Variants in NEBL observed in about 807,000 individuals in gnomAD.
NEBL encodes nebulette.
NEBL carries 122 observed loss-of-function variants against 140.2 expected under a neutral mutation model. The observed-to-expected ratio is 0.87, with a 90% CI of 0.75 to 1.01. The LOEUF is 1.01. NEBL is among the 50% of genes least tolerant of loss of function. NEBL has a pLI of 0.00. For synonymous variants in NEBL, 436 were observed against 398.9 expected, an observed-to-expected ratio of 1.09 and a Z score of -1.11; for missense variants, 1,365 against 1,231.3, an observed-to-expected ratio of 1.11 and a Z score of -1.62.
At chr10:21,207,689 T>C (rs574880338) in intron 3 of NEBL, among the ~76,000 whole-genome samples, 1 of 152,232 alleles carries the variant, frequency 6.6e-6, no homozygotes, top group Non-Finnish European at 1.5e-5. Flanking sequence ...GGGTAGTTCT[T>C]TCCCTGGCTC....
chr10:20,870,454 G>A (rs183152948), intron 5 of NEBL, among the ~76,000 whole-genome samples: 6 of 151,976 alleles, frequency 3.9e-5, no homozygotes, highest in African/African-American at 1.4e-4. Context: ...TTGTATCTAA[G>A]TGCATATATT....
chr10:20,818,428 C>T (rs866852498), intron 20 of NEBL, among the ~76,000 whole-genome samples: 85 of 152,104 alleles, frequency 5.6e-4, no homozygotes, highest in African/African-American at 1.8e-3. Context: ...TAGTACAGGG[C>T]CCAGCACAGA....
intron 11 of NEBL, among the ~76,000 whole-genome samples, chr10:20,849,333 C>G (rs1842272936): frequency 6.6e-6 from 1 of 152,168 alleles, no homozygotes; most frequent in African/African-American, 2.4e-5. Flanking sequence ...AGAAAACACT[C>G]TTAATTGTTT....
chr10:21,288,818 GTGTATATATATATA>G (rs1219502239), intron 1 of NEBL, among the ~76,000 whole-genome samples: 527 of 32,670 alleles, frequency 0.016, 54 homozygotes, highest in East Asian at 0.04. Context: ...ACGTGTGTGT[GTGTATATATATATA>G]TATATATATA....
chr10:21,290,490 C>T (rs1164770390), intron 1 of NEBL, among the ~76,000 whole-genome samples: 1 of 152,168 alleles, frequency 6.6e-6, no homozygotes, highest in African/African-American at 2.4e-5. Context: ...AAAAAAAATA[C>T]AATTGTCTTA....
intron 3 of NEBL, among the ~76,000 whole-genome samples, chr10:21,234,032 T>C (rs1317942100): frequency 7.2e-6 from 1 of 138,676 alleles, no homozygotes; most frequent in African/African-American, 2.5e-5. Context: ...GATAGATAGA[T>C]AGATAGATAG....
At chr10:21,198,745 C>A (rs903065973) in intron 3 of NEBL, among the ~76,000 whole-genome samples, 5 of 152,062 alleles carry the variant, frequency 3.3e-5, no homozygotes, top group Admixed American at 2.6e-4. Flanking sequence ...CTACTTTCCC[C>A]ATGCAGAGTA....
intron 4 of NEBL, among the ~76,000 whole-genome samples, chr10:20,918,787 C>T (rs1207636617): frequency 1.3e-5 from 2 of 150,464 alleles, no homozygotes; most frequent in Non-Finnish European, 3.0e-5. Context: ...GGAGGTAGAG[C>T]TTGCAGTGAG....
At chr10:21,205,143 TA>T (rs1841806592) in intron 3 of NEBL, among the ~76,000 whole-genome samples, 1 of 152,226 alleles carries the variant, frequency 6.6e-6, no homozygotes. Flanking sequence ...AACCCAATAT[TA>T]CAACAATAAA....
chr10:21,055,284 G>A (rs1026659371), intron 2 of NEBL, among the ~76,000 whole-genome samples: 2 of 152,166 alleles, frequency 1.3e-5, no homozygotes, highest in Non-Finnish European at 2.9e-5. Context: ...TTAAGTACTG[G>A]GAAGAATTCT....
chr10:21,150,631 C>T (rs1324367825), intron 2 of NEBL, among the ~76,000 whole-genome samples: 2 of 152,104 alleles, frequency 1.3e-5, no homozygotes, highest in East Asian at 1.9e-4. Context: ...TGTGTAAATC[C>T]ATTTCCATAT....
At position 20,978,729 on chromosome 10, in the gene NEBL, T is replaced by C. The variant is rs572432015; in HGVS notation, c.250-16950A>G. ...GTGATTGTGCCACTGCACTCCAGCC[T>C]GGAAGCCAGAGCGAGACCCTATCTC... On this transcript the variant is annotated intron_variant, in intron 3 of 6. Coordinates refer to the NEBL transcript ENST00000417816. 3.7e-3 allele frequency among the ~76,000 whole-genome samples: 558 copies of C among 150,374 alleles called. 3 individuals carry two copies. Among genetic ancestry groups the C allele is most frequent in the African/African-American group, 0.013 (514 of 40,636 alleles).
intron 3 of NEBL, among the ~76,000 whole-genome samples, chr10:21,211,820 G>T (rs113346430): frequency 0.017 from 2,646 of 152,266 alleles, 28 homozygotes; most frequent in Middle Eastern, 0.051. Context: ...TGATGGAAAC[G>T]GATCTGTCGT....
chr10:21,118,457 A>G (rs959565725), intron 2 of NEBL, among the ~76,000 whole-genome samples: 3 of 152,176 alleles, frequency 2.0e-5, no homozygotes, highest in African/African-American at 7.2e-5. Context: ...TGAAATTATC[A>G]CAAGATAATA....
chr10:21,254,951 C>T (rs1392469664), intron 1 of NEBL, among the ~76,000 whole-genome samples: 1 of 152,196 alleles, frequency 6.6e-6, no homozygotes, highest in East Asian at 1.9e-4. Flanking sequence ...GTTCACATGG[C>T]AGAGCACCTC....
At chr10:20,922,645 A>G (rs767341388) in intron 4 of NEBL, among the ~76,000 whole-genome samples, 2 of 152,226 alleles carry the variant, frequency 1.3e-5, no homozygotes, top group Non-Finnish European at 2.9e-5. Context: ...TGCTAACGCA[A>G]TGTAGGATAA....
intron 3 of NEBL, among the ~76,000 whole-genome samples, chr10:20,979,401 G>A (rs1312676517): frequency 2.0e-5 from 3 of 152,146 alleles, no homozygotes; most frequent in African/African-American, 7.2e-5. Flanking sequence ...GAGCATGAAA[G>A]AGAAGATGCA....
chr10:20,887,410 C>A (rs928978762), intron 4 of NEBL, among the ~76,000 whole-genome samples: 3 of 127,816 alleles, frequency 2.3e-5, no homozygotes, highest in Non-Finnish European at 3.2e-5. Flanking sequence ...CTGAATTCAA[C>A]CTTTTTTTTT....
chr10:21,008,700 G>T (rs1282619677), intron 3 of NEBL, among the ~76,000 whole-genome samples: 3 of 152,108 alleles, frequency 2.0e-5, no homozygotes, highest in African/African-American at 7.2e-5. Context: ...ATGTAAACTA[G>T]TTATTGTTGT....
Sources: gnomAD v4.1 joint callset for allele counts (sites outside exome capture counted in the v4.1 genomes callset) on GRCh38, gnomAD v4.1.1 for gene constraint, MANE v1.5 for transcripts, NCBI Gene and HGNC (gene_info 2026-07-23, HGNC 2026-07-21) for gene names.